The following CPB2 variants were observed in gnomAD, a reference collection of about 807,000 sequenced individuals.
The protein encoded by CPB2 is carboxypeptidase B-like protein.
In CPB2, 54 loss-of-function variants were observed where a neutral mutation model predicts 57.0. The observed-to-expected ratio is 0.95, with a 90% CI of 0.76 to 1.19. The LOEUF (loss-of-function observed/expected upper bound fraction) is 1.19. Among genes scored for constraint, CPB2 ranks in the 50% most tolerant of loss-of-function variants. The pLI, the probability that CPB2 is intolerant of heterozygous loss-of-function variation, is 0.00. For synonymous variants in CPB2, 189 were observed against 178.1 expected, an observed-to-expected ratio of 1.06 and a Z score of -0.49; for missense variants, 426 against 512.0, an observed-to-expected ratio of 0.83 and a Z score of 1.62.
At chr13:46,090,724 C>CT (rs10651921) in intron 1 of CPB2, among the ~76,000 whole-genome samples, 55,221 of 148,314 alleles carry the variant, frequency 0.37, 10,742 homozygotes, top group East Asian at 0.63. Context: ...AGATGTTGCA[C>CT]TTTTTTTTTT....
At chr13:46,060,782 G>GA (rs1434730539) in intron 8 of CPB2, among the ~76,000 whole-genome samples, 21 of 152,208 alleles carry the variant, frequency 1.4e-4, no homozygotes, top group East Asian at 1.3e-3. Context: ...AAAGAGCCCT[G>GA]AAGAGGCAGG....
At chr13:46,064,879 A>T in intron 7 of CPB2, 138 bp from the exon 8 acceptor site, 1 of 663,788 alleles carries the variant, frequency 1.5e-6, no homozygotes, top group Admixed American at 2.2e-5. Context: ...TCATCACATC[A>T]CTGTTGTTGC....
At chr13:46,085,012 G>A (rs959927991) in intron 2 of CPB2, among the ~76,000 whole-genome samples, 3 of 151,616 alleles carry the variant, frequency 2.0e-5, no homozygotes, top group Non-Finnish European at 4.4e-5. Flanking sequence ...CACCACGCCC[G>A]GCTAATTTTT....
chr13:46,097,799 T>TATACC, intron 1 of CPB2, among the ~76,000 whole-genome samples: 1 of 152,352 alleles, frequency 6.6e-6, no homozygotes, highest in Non-Finnish European at 1.5e-5. Context: ...AGTGTTTCCA[T>TATACC]ATACCGTCAC....
chr13:46,084,484 G>A, intron 2 of CPB2, 141 bp from the exon 3 acceptor site: 3 of 750,684 alleles, frequency 4.0e-6, no homozygotes, highest in South Asian at 2.3e-5. Context: ...CCACACACAT[G>A]GTAATATAAA....
chr13:46,074,459 A>T (rs1384672948), intron 5 of CPB2, among the ~76,000 whole-genome samples: 6 of 152,134 alleles, frequency 3.9e-5, no homozygotes, highest in African/African-American at 1.4e-4. Context: ...TTTATTTCAC[A>T]CAAAAAGAAG....
At chr13:46,061,125 T>A (rs1164951329) in intron 8 of CPB2, among the ~76,000 whole-genome samples, 1 of 151,860 alleles carries the variant, frequency 6.6e-6, no homozygotes, top group Non-Finnish European at 1.5e-5. Flanking sequence ...TAGTAGTAAT[T>A]GTGAATGTAC....
chr13:46,094,888 G>C (rs1341056904), intron 1 of CPB2: 2 of 152,148 alleles, frequency 1.3e-5, no homozygotes, highest in Admixed American at 6.5e-5. Context: ...TTTCTTGCCT[G>C]AAGGAGGAAT....
intron 3 of CPB2, among the ~76,000 whole-genome samples, chr13:46,082,771 T>C (rs2045139499): frequency 6.6e-6 from 1 of 152,170 alleles, no homozygotes; most frequent in South Asian, 2.1e-4. Flanking sequence ...GTAGCTCCTA[T>C]TAGGTATACT....
intron 3 of CPB2, among the ~76,000 whole-genome samples, chr13:46,083,342 G>A (rs975551757): frequency 1.3e-5 from 2 of 151,964 alleles, no homozygotes; most frequent in Non-Finnish European, 2.9e-5. Flanking sequence ...TCTACTTCAC[G>A]GGGTTAAATA....
chr13:46,065,779 A>G (rs2044846292), intron 7 of CPB2, among the ~76,000 whole-genome samples: 1 of 152,132 alleles, frequency 6.6e-6, no homozygotes, highest in South Asian at 2.1e-4. Flanking sequence ...CGTGGCAACA[A>G]TAGGCCCTGG....
chr13:46,093,636 T>C (rs1417199105), intron 1 of CPB2, among the ~76,000 whole-genome samples: 1 of 68,222 alleles, frequency 1.5e-5, no homozygotes, highest in African/African-American at 4.7e-5. Context: ...ATCCTATTTT[T>C]GGAAAAAAAG....
At chr13:46,064,820 T>G in intron 7 of CPB2, 79 bp from the exon 8 acceptor site, 1 of 1,134,024 alleles carries the variant, frequency 8.8e-7, no homozygotes, top group Non-Finnish European at 1.3e-6. Flanking sequence ...TGAAAGTCCA[T>G]GAAGCCAGAA....
At chr13:46,075,924 T>C (rs925131914) in intron 5 of CPB2, among the ~76,000 whole-genome samples, 3 of 152,206 alleles carry the variant, frequency 2.0e-5, no homozygotes, top group African/African-American at 7.2e-5. Context: ...GGTCAATTTA[T>C]TCAAGAGAGA....
intron 9 of CPB2, among the ~76,000 whole-genome samples, chr13:46,056,724 A>G (rs1380514206): frequency 1.3e-5 from 2 of 152,132 alleles, no homozygotes; most frequent in Non-Finnish European, 2.9e-5. Flanking sequence ...CTTTGCTTGG[A>G]AGGTCCTTCC....
At chr13:46,091,562 G>A (rs1430561483) in intron 1 of CPB2, among the ~76,000 whole-genome samples, 1 of 152,188 alleles carries the variant, frequency 6.6e-6, no homozygotes, top group African/African-American at 2.4e-5. Flanking sequence ...ATGAATAAGT[G>A]TGGATTTTAA....
At chr13:46,086,720 C>T (rs567638082) in intron 2 of CPB2, among the ~76,000 whole-genome samples, 62 of 152,348 alleles carry the variant, frequency 4.1e-4, no homozygotes, top group Middle Eastern at 3.4e-3. Context: ...CTGCCTCCTA[C>T]GGCTATTTAT....
chr13:46,087,004 AG>A (rs1321239310), intron 2 of CPB2, among the ~76,000 whole-genome samples: 2 of 152,228 alleles, frequency 1.3e-5, no homozygotes, highest in Non-Finnish European at 2.9e-5. Context: ...GCGAGCCTGT[AG>A]GGGAATGAGG....
rs367581994 is a variant in CPB2, at chr13:46,067,146, A to T, written c.702+161T>A. Among the ~76,000 whole-genome samples, 24 of 151,658 alleles carry T rather than the reference A, an allele frequency of 1.6e-4. No individual in the cohort carries two copies. The East Asian group carries it at 4.5e-3, about 28-fold the overall frequency. ...GTAGATAGAAGTTTACTACACAATT[A>T]TGTGCACTTATATATATATTTGACA... On this transcript the variant is annotated intron_variant, in intron 7 of 10. Coordinates refer to ENST00000181383, the MANE Select transcript of CPB2 (RefSeq NM_001872.5).
Sources: gnomAD v4.1 joint callset for allele counts (sites outside exome capture counted in the v4.1 genomes callset) on GRCh38, gnomAD v4.1.1 for gene constraint, MANE v1.5 for transcripts, NCBI Gene and HGNC (gene_info 2026-07-23, HGNC 2026-07-21) for gene names.